Variants in SMIM21 observed in about 807,000 individuals in gnomAD.
The protein encoded by SMIM21 is chromosome 18 open reading frame 62.
Under a neutral mutation model 8.6 loss-of-function variants are expected in SMIM21, and 8 were observed. The ratio of observed to expected loss-of-function variants is 0.93; its 90% confidence interval spans 0.55 to 1.68. The LOEUF is 1.68. Among genes scored for constraint, SMIM21 ranks in the 40% most tolerant of loss-of-function variants. SMIM21 has a pLI of 0.00. For synonymous variants in SMIM21, 43 were observed against 41.7 expected, an observed-to-expected ratio of 1.03 and a Z score of -0.12; for missense variants, 132 against 123.0, an observed-to-expected ratio of 1.07 and a Z score of -0.35.
At position 75,427,592 on chromosome 18, in the gene SMIM21, G is replaced by C. The variant is rs769941439; in HGVS notation, c.-29C>G. ...GGGGCTGCGGCGGTGACCAGTGAGA[G>C]GTCTCCTTGATGACAGCGACTCTGA... On this transcript the variant is annotated 5_prime_UTR_variant, in exon 1 of 3. Coordinates refer to ENST00000579022, the MANE Select transcript of SMIM21 (RefSeq NM_001037331.3). The C allele has an allele frequency of 6.4e-7, 1 of 1,565,582 alleles. No homozygotes were observed. The highest frequency in any genetic ancestry group is 8.7e-7 in the Non-Finnish European group (1 of 1,154,258).
At chr18:75,413,559 T>G (rs956147320) in intron 2 of SMIM21, among the ~76,000 whole-genome samples, 5 of 152,234 alleles carry the variant, frequency 3.3e-5, no homozygotes, top group African/African-American at 1.2e-4. Context: ...CTTAGGATAT[T>G]AGTATAAAAC....
intron 1 of SMIM21, among the ~76,000 whole-genome samples, chr18:75,419,281 C>A (rs145224753): frequency 6.6e-6 from 1 of 152,210 alleles, no homozygotes; most frequent in East Asian, 1.9e-4. Context: ...TAAGTAAAAG[C>A]CCAGTGAGTT....
At chr18:75,414,120 CAT>C (rs1555675393) in intron 2 of SMIM21, among the ~76,000 whole-genome samples, 2,013 of 127,672 alleles carry the variant, frequency 0.016, 34 homozygotes, top group East Asian at 0.054. Flanking sequence ...CACACACACA[CAT>C]ACACACACAC....
rs780039139 is a variant in SMIM21, at chr18:75,418,863, C to T, written c.183G>A (p.Val61=). 1.2e-6 allele frequency: 2 copies of T among 1,609,316 alleles called. No homozygotes were observed. The highest frequency in any genetic ancestry group is 1.7e-6 in the Non-Finnish European group (2 of 1,175,714). ...TGCTATGATTCCTCAGCAACACCAT[C>T]ACATGGAAAAGAACCAACAATGTGA... ...RFFTLLVLFH[V]MVLLRNHSRI... Residue 61 remains valine, a synonymous_variant, in exon 2 of 3, where the codon GTG becomes GTA. Transcript: ENST00000579022.
Position 75,427,495 on chromosome 18 carries a change from G to A in SMIM21, c.69C>T (p.Asp23=). 9 of 1,614,108 alleles carry A rather than the reference G, an allele frequency of 5.6e-6. No homozygotes were observed. The highest frequency in any genetic ancestry group is 3.3e-5 in the South Asian group (3 of 91,056). ...PIAQLGTFKQ[D]SAGMGRIFKG... ...TGAATATCCGTCCCATTCCTGCAGAGTCTTGTTTAAATGTTCCCAGCTGTG... is the reference window on the plus strand; with the variant it reads ...TGAATATCCGTCCCATTCCTGCAGAATCTTGTTTAAATGTTCCCAGCTGTG... Residue 23 remains aspartate, a synonymous_variant, in exon 1 of 3, where the codon GAC becomes GAT. Transcript: ENST00000579022.
intron 1 of SMIM21, among the ~76,000 whole-genome samples, chr18:75,423,223 G>A (rs1465029755): frequency 2.6e-5 from 4 of 152,198 alleles, no homozygotes; most frequent in African/African-American, 4.8e-5. Context: ...AGGGTTCAAG[G>A]TTGAAGTGTT....
intron 1 of SMIM21, among the ~76,000 whole-genome samples, chr18:75,423,734 C>A (rs2024732792): frequency 6.6e-6 from 1 of 152,228 alleles, no homozygotes; most frequent in African/African-American, 2.4e-5. Flanking sequence ...CAGGAAAGAG[C>A]AGTGAATTAA....
At chr18:75,422,216 G>A (rs2024716749) in intron 1 of SMIM21, among the ~76,000 whole-genome samples, 2 of 152,154 alleles carry the variant, frequency 1.3e-5, no homozygotes, top group South Asian at 4.1e-4. Context: ...TCCTGAGACA[G>A]GGGCGCACCA....
chr18:75,417,162 A>G (rs1043062216), intron 2 of SMIM21: 2 of 152,202 alleles, frequency 1.3e-5, no homozygotes, highest in African/African-American at 4.8e-5. Flanking sequence ...GGGCAGGAGA[A>G]GCACCTCTGG....
chr18:75,427,371 A>G (rs2024775657), intron 1 of SMIM21, 64 bp downstream of exon 1: 2 of 1,525,638 alleles, frequency 1.3e-6, no homozygotes, highest in Non-Finnish European at 1.8e-6. Flanking sequence ...AGTGCTTTGT[A>G]GGACCATACC....
chr18:75,420,353 G>A (rs2024695964), intron 1 of SMIM21, among the ~76,000 whole-genome samples: 1 of 152,188 alleles, frequency 6.6e-6, no homozygotes, highest in African/African-American at 2.4e-5. Flanking sequence ...GGTGGAATTG[G>A]TGGATTTAAT....
intron 2 of SMIM21, among the ~76,000 whole-genome samples, chr18:75,415,841 C>T (rs1410001711): frequency 1.3e-5 from 2 of 152,176 alleles, no homozygotes; most frequent in Non-Finnish European, 2.9e-5. Context: ...GGTGGCATTA[C>T]AATTTATTTA....
intron 2 of SMIM21, chr18:75,416,501 A>T (rs1020766986): frequency 6.6e-6 from 1 of 152,132 alleles, no homozygotes; most frequent in Non-Finnish European, 1.5e-5. Flanking sequence ...ATTGGGAAAA[A>T]GTTTATAAAA....
At chr18:75,411,999 AC>A (rs1242944260) in intron 2 of SMIM21, among the ~76,000 whole-genome samples, 6 of 152,222 alleles carry the variant, frequency 3.9e-5, no homozygotes, top group Non-Finnish European at 5.9e-5. Flanking sequence ...GATGAAGGTG[AC>A]AGTGGCTATA....
chr18:75,419,238 A>G (rs1599107087), intron 1 of SMIM21, among the ~76,000 whole-genome samples: 1 of 152,212 alleles, frequency 6.6e-6, no homozygotes, highest in African/African-American at 2.4e-5. Context: ...AGACTGGATC[A>G]TTTCTCAGGT....
chr18:75,410,634 C>T lies in SMIM21; in HGVS notation c.*230G>A. The T allele has an allele frequency of 8.2e-7, 1 of 1,220,864 alleles. No homozygotes were observed. Among genetic ancestry groups the T allele is most frequent in the Non-Finnish European group, 1.1e-6 (1 of 939,738 alleles). 75.6% of individuals were successfully genotyped at this position (1,220,864 alleles called of 1,614,324 possible). On this transcript the variant is annotated 3_prime_UTR_variant, in exon 3 of 3. Coordinates refer to ENST00000579022, the MANE Select transcript of SMIM21 (RefSeq NM_001037331.3). The stretch of plus-strand genomic sequence containing the variant: ...TCGCAGGGTTGGGTGGCATCTGCAG[C>T]TCTCCTCCGGAATATTCCTGAACAG...
intron 1 of SMIM21, among the ~76,000 whole-genome samples, chr18:75,427,182 A>C (rs867598705): frequency 1.3e-5 from 2 of 152,132 alleles, no homozygotes; most frequent in South Asian, 2.1e-4. Flanking sequence ...ATGTAATGTC[A>C]AGGGGAGGGC....
At chr18:75,422,239 T>C (rs554322407) in intron 1 of SMIM21, among the ~76,000 whole-genome samples, 23 of 152,172 alleles carry the variant, frequency 1.5e-4, no homozygotes, top group African/African-American at 5.5e-4. Flanking sequence ...GAGAGGGATA[T>C]GGGGAAGCAG....
intron 2 of SMIM21, among the ~76,000 whole-genome samples, chr18:75,413,826 C>T (rs1032835786): frequency 6.6e-6 from 1 of 152,108 alleles, no homozygotes; most frequent in African/African-American, 2.4e-5. Flanking sequence ...TTGTCTACTT[C>T]AACACGTGAT....
Sources: gnomAD v4.1 joint callset for allele counts (sites outside exome capture counted in the v4.1 genomes callset) on GRCh38, gnomAD v4.1.1 for gene constraint, MANE v1.5 for transcripts, NCBI Gene and HGNC (gene_info 2026-07-23, HGNC 2026-07-21) for gene names.